PDE1A: variants seen among roughly 807,000 people sequenced by gnomAD.
PDE1A encodes dual specificity calcium/calmodulin-dependent 3',5'-cyclic nucleotide phosphodiesterase 1A.
In PDE1A, 35 loss-of-function variants were observed where a neutral mutation model predicts 61.7. The ratio of observed to expected loss-of-function variants is 0.57; its 90% confidence interval spans 0.43 to 0.75. The LOEUF is 0.75. Ranked by LOEUF, PDE1A falls within the 30% of genes least tolerant of loss-of-function variation. PDE1A has a pLI of 0.00. For synonymous variants in PDE1A, 232 were observed against 213.2 expected (o/e 1.09, Z -0.77); for missense variants, 597 against 630.6 (o/e 0.95, Z 0.57).
At chr2:182,527,330 ATATATAT>A (rs1690792152), upstream of PDE1A, among the ~76,000 whole-genome samples, 2 of 7,384 alleles carry the variant, frequency 2.7e-4, no homozygotes, top group Admixed American at 2.6e-3. Context: ...AAAAAAAAAT[ATATATAT>A]ATATATATAT....
At chr2:182,657,304 C>A in the PDE1A span, among the ~76,000 whole-genome samples, 3 of 152,162 alleles carry the variant, frequency 2.0e-5, no homozygotes, top group Non-Finnish European at 4.4e-5. Flanking sequence ...GTTGCTTGAG[C>A]CAAGTAATGT....
At chr2:182,333,814 A>G (rs1228513490) in intron 1 of PDE1A, among the ~76,000 whole-genome samples, 1 of 152,068 alleles carries the variant, frequency 6.6e-6, no homozygotes, top group Non-Finnish European at 1.5e-5. Flanking sequence ...AAAGATTAAC[A>G]AAATAGACAG....
chr2:182,180,081 C>G (rs1289035993), intron 13 of PDE1A, among the ~76,000 whole-genome samples: 1 of 152,070 alleles, frequency 6.6e-6, no homozygotes, highest in Admixed American at 6.6e-5. Flanking sequence ...TCATCTTCAG[C>G]GTATAAGACT....
At chr2:182,608,797 A>G in the PDE1A span, among the ~76,000 whole-genome samples, 1 of 152,234 alleles carries the variant, frequency 6.6e-6, no homozygotes, top group Non-Finnish European at 1.5e-5. Flanking sequence ...AGGGCGCGGG[A>G]CTGGCAGGCA....
chr2:182,243,889 T>C (rs937770889), intron 2 of PDE1A, among the ~76,000 whole-genome samples: 2 of 152,062 alleles, frequency 1.3e-5, no homozygotes, highest in Non-Finnish European at 2.9e-5. Context: ...ATTTTTGAGA[T>C]GGAGTTTCGC....
At chr2:182,448,413 G>A (rs1447862902) in intron 2 of PDE1A, among the ~76,000 whole-genome samples, 1 of 151,676 alleles carries the variant, frequency 6.6e-6, no homozygotes, top group African/African-American at 2.4e-5. Flanking sequence ...TTTAACTTAT[G>A]TTTCCCTTGT....
intron 13 of PDE1A, among the ~76,000 whole-genome samples, chr2:182,184,138 G>A (rs905804328): frequency 6.6e-6 from 1 of 151,890 alleles, no homozygotes; most frequent in Non-Finnish European, 1.5e-5. Context: ...ATCCTCAGAA[G>A]GAGAGAACAG....
the PDE1A span, among the ~76,000 whole-genome samples, chr2:182,692,887 C>A: frequency 6.6e-6 from 1 of 151,748 alleles, no homozygotes; most frequent in Non-Finnish European, 1.5e-5. Flanking sequence ...TTATGTTTTA[C>A]TTAATCAGTG....
At chr2:182,249,775 G>GATTGGTGT (rs1235446485) in intron 2 of PDE1A, among the ~76,000 whole-genome samples, 1 of 147,086 alleles carries the variant, frequency 6.8e-6, no homozygotes, top group East Asian at 2.0e-4. Flanking sequence ...AACTCTAAAG[G>GATTGGTGT]TAACACCAAT....
the PDE1A span, among the ~76,000 whole-genome samples, chr2:182,560,236 C>A: frequency 3.1e-5 from 4 of 128,038 alleles, no homozygotes; most frequent in African/African-American, 1.2e-4. Flanking sequence ...ACAACAGTCA[C>A]CAGAGTGTGA....
At chr2:182,612,421 G>T in the PDE1A span, among the ~76,000 whole-genome samples, 4 of 152,146 alleles carry the variant, frequency 2.6e-5, no homozygotes, top group East Asian at 1.9e-4. Context: ...CTTCCAGTAT[G>T]TAAGTTCTCA....
chr2:182,176,249 G>T (rs1692771298), intron 13 of PDE1A, among the ~76,000 whole-genome samples: 2 of 148,522 alleles, frequency 1.3e-5, no homozygotes, highest in South Asian at 4.2e-4. Context: ...GATGGGGATG[G>T]CATTGAATCT....
intron 1 of PDE1A, among the ~76,000 whole-genome samples, chr2:182,316,430 A>G (rs1696344699): frequency 6.6e-6 from 1 of 152,236 alleles, no homozygotes; most frequent in African/African-American, 2.4e-5. Context: ...AAAGGAAATA[A>G]GTAATTTGCC....
chr2:182,472,585 T>C (rs958690463), intron 2 of PDE1A, among the ~76,000 whole-genome samples: 2 of 151,756 alleles, frequency 1.3e-5, no homozygotes, highest in Admixed American at 1.3e-4. Context: ...GGGTGAATGA[T>C]GGGAGGTTGC....
Position 182,489,431 on chromosome 2 carries a change from T to G in PDE1A, c.101+32845A>C, listed in dbSNP as rs1009233564. On this transcript the variant is annotated intron_variant, in intron 2 of 14. Transcript: ENST00000410103. ...TCCTCTGTAAAAGGATCACTGACAC[T>G]GCGTGAAAAAGAGCAGAGGTGGAAG... Among the ~76,000 whole-genome samples the G allele has an allele frequency of 3.3e-5, 5 of 152,302 alleles. No homozygotes were observed. The East Asian group carries it at 9.7e-4, about 29-fold the overall frequency.
At chr2:182,541,950 G>A in the PDE1A span, among the ~76,000 whole-genome samples, 1 of 152,030 alleles carries the variant, frequency 6.6e-6, no homozygotes, top group African/African-American at 2.4e-5. Context: ...GGAGAGGCCC[G>A]AATATTAAGA....
At chr2:182,328,481 G>C (rs547675011) in intron 1 of PDE1A, among the ~76,000 whole-genome samples, 1 of 152,168 alleles carries the variant, frequency 6.6e-6, no homozygotes, top group Non-Finnish European at 1.5e-5. Context: ...TAAAGGTATA[G>C]TTCAGGGACA....
At chr2:182,531,654 A>G in the PDE1A span, among the ~76,000 whole-genome samples, 1 of 152,228 alleles carries the variant, frequency 6.6e-6, no homozygotes, top group Non-Finnish European at 1.5e-5. Flanking sequence ...ATTTTCTTCT[A>G]TAAGGAGAAG....
intron 2 of PDE1A, among the ~76,000 whole-genome samples, chr2:182,437,467 A>G (rs1343597761): frequency 6.6e-6 from 1 of 151,872 alleles, no homozygotes; most frequent in Non-Finnish European, 1.5e-5. Context: ...TTGTAAAGCT[A>G]AGAGTTACCT....
Sources: gnomAD v4.1 joint callset for allele counts (sites outside exome capture counted in the v4.1 genomes callset) on GRCh38, gnomAD v4.1.1 for gene constraint, MANE v1.5 for transcripts, NCBI Gene and HGNC (gene_info 2026-07-23, HGNC 2026-07-21) for gene names.